ANGPT1: variants seen among roughly 807,000 people sequenced by gnomAD.
The protein encoded by ANGPT1 is angiopoietin 1.
In ANGPT1, 17 loss-of-function variants were observed where a neutral mutation model predicts 62.2. That is an observed-to-expected ratio of 0.27 (90% CI 0.19 to 0.41). ANGPT1 has a LOEUF of 0.41. ANGPT1 is among the 10% of genes least tolerant of loss of function. ANGPT1 has a pLI of 1.00. For missense variants in ANGPT1, 478 were observed against 594.9 expected (o/e 0.80, Z 2.04); for synonymous variants, 199 against 198.9 (o/e 1.00, Z 0.00).
At chr8:107,399,798 C>A (rs1391968477) in intron 1 of ANGPT1, among the ~76,000 whole-genome samples, 1 of 152,128 alleles carries the variant, frequency 6.6e-6, no homozygotes, top group Non-Finnish European at 1.5e-5. Context: ...CCCGCAAACA[C>A]CACAATTGCC....
intron 1 of ANGPT1, among the ~76,000 whole-genome samples, chr8:107,442,277 G>A (rs753464871): frequency 6.6e-6 from 1 of 152,170 alleles, no homozygotes; most frequent in Non-Finnish European, 1.5e-5. Context: ...CAATGTAAAT[G>A]ACAGAAGATG....
At position 107,285,684 on chromosome 8, in the gene ANGPT1, C is replaced by T. The variant is rs998568000; in HGVS notation, c.1039-836G>A. ...AAAAGTGGTCCCAAAAGAAAGCCAGCGCTTAATGTTGGAGATGTTAGTGAT... is the reference window on the plus strand; with the variant it reads ...AAAAGTGGTCCCAAAAGAAAGCCAGTGCTTAATGTTGGAGATGTTAGTGAT... On this transcript the variant is annotated intron_variant, in intron 6 of 8. Coordinates refer to ENST00000517746, the MANE Select transcript of ANGPT1 (RefSeq NM_001146.5). Among the ~76,000 whole-genome samples the T allele has an allele frequency of 5.9e-5, 9 of 151,830 alleles. No homozygotes were observed. The East Asian group carries it at 1.5e-3, about 26-fold the overall frequency.
At chr8:107,317,447 T>G (rs1246206889) in intron 4 of ANGPT1, among the ~76,000 whole-genome samples, 1 of 152,174 alleles carries the variant, frequency 6.6e-6, no homozygotes, top group Non-Finnish European at 1.5e-5. Flanking sequence ...TCAGACTATG[T>G]AAGTTTATAA....
intron 1 of ANGPT1, among the ~76,000 whole-genome samples, chr8:107,433,325 T>C (rs1297593385): frequency 6.6e-6 from 1 of 152,200 alleles, no homozygotes; most frequent in Non-Finnish European, 1.5e-5. Context: ...GAAGGAATAT[T>C]CTATTGCAAG....
intron 4 of ANGPT1, among the ~76,000 whole-genome samples, chr8:107,317,687 G>A (rs1815050706): frequency 2.0e-5 from 3 of 150,008 alleles, no homozygotes. Flanking sequence ...CTGGAGTGCA[G>A]TGGCGTGATC....
chr8:107,355,783 G>A (rs1816032608), intron 1 of ANGPT1, among the ~76,000 whole-genome samples: 1 of 151,824 alleles, frequency 6.6e-6, no homozygotes, highest in Non-Finnish European at 1.5e-5. Context: ...TCTATTTCTA[G>A]AGCACCTGTA....
intron 5 of ANGPT1, among the ~76,000 whole-genome samples, chr8:107,299,657 A>G (rs1208457484): frequency 7.3e-6 from 1 of 137,714 alleles, no homozygotes; most frequent in Non-Finnish European, 1.5e-5. Flanking sequence ...AAATATCTAT[A>G]TATAGACATA....
intron 1 of ANGPT1, among the ~76,000 whole-genome samples, chr8:107,378,457 C>T (rs1242972178): frequency 6.6e-6 from 1 of 152,168 alleles, no homozygotes; most frequent in Non-Finnish European, 1.5e-5. Flanking sequence ...TACCTAAATA[C>T]AGTTGTATAT....
At chr8:107,360,178 G>T (rs751929511) in intron 1 of ANGPT1, among the ~76,000 whole-genome samples, 2 of 152,122 alleles carry the variant, frequency 1.3e-5, no homozygotes, top group African/African-American at 4.8e-5. Flanking sequence ...CAAAACAGCC[G>T]CAAGTAGGTC....
chr8:107,480,789 G>A (rs972836059), intron 1 of ANGPT1, among the ~76,000 whole-genome samples: 1 of 152,116 alleles, frequency 6.6e-6, no homozygotes, highest in African/African-American at 2.4e-5. Context: ...AAACAAGTGG[G>A]ATTGAGATCC....
chr8:107,421,618 A>T (rs1014570737), intron 1 of ANGPT1, among the ~76,000 whole-genome samples: 59 of 152,212 alleles, frequency 3.9e-4, no homozygotes, highest in Non-Finnish European at 7.3e-5. Context: ...TAAGGTTAGC[A>T]TCTGTCAATA....
chr8:107,408,877 A>G (rs1462030407), intron 1 of ANGPT1, among the ~76,000 whole-genome samples: 1 of 152,206 alleles, frequency 6.6e-6, no homozygotes, highest in Non-Finnish European at 1.5e-5. Context: ...TTTTCCCACA[A>G]TCACAGTGTC....
At chr8:107,370,700 CAAAAAAAAAAAA>C (rs71308729) in intron 1 of ANGPT1, among the ~76,000 whole-genome samples, 17 of 75,574 alleles carry the variant, frequency 2.2e-4, no homozygotes, top group African/African-American at 8.4e-4. Context: ...AAGACTCTGT[CAAAAAAAAAAAA>C]AAAAAAAAAA....
At chr8:107,454,016 A>G (rs1167919508) in intron 1 of ANGPT1, among the ~76,000 whole-genome samples, 1 of 152,070 alleles carries the variant, frequency 6.6e-6, no homozygotes, top group Admixed American at 6.6e-5. Flanking sequence ...ATTTGTACTC[A>G]TTTAGCATAC....
chr8:107,377,390 T>A (rs1162812032), intron 1 of ANGPT1, among the ~76,000 whole-genome samples: 1 of 152,150 alleles, frequency 6.6e-6, no homozygotes, highest in Non-Finnish European at 1.5e-5. Flanking sequence ...ACACTCCAAG[T>A]CATAATCCTG....
At chr8:107,471,665 T>G (rs1437191162) in intron 1 of ANGPT1, among the ~76,000 whole-genome samples, 1 of 152,120 alleles carries the variant, frequency 6.6e-6, no homozygotes, top group Non-Finnish European at 1.5e-5. Context: ...TGGCGACGTT[T>G]GAATGTATTT....
intron 1 of ANGPT1, among the ~76,000 whole-genome samples, chr8:107,373,276 T>G (rs199819319): frequency 7.9e-5 from 12 of 152,208 alleles, no homozygotes; most frequent in African/African-American, 2.9e-4. Context: ...AATAGATTTT[T>G]TTTTTTTTGA....
intron 1 of ANGPT1, among the ~76,000 whole-genome samples, chr8:107,472,079 T>C (rs1342103914): frequency 6.6e-6 from 1 of 152,096 alleles, no homozygotes; most frequent in Admixed American, 6.6e-5. Context: ...GTAGAAATAA[T>C]GTCCCTAAAT....
intron 5 of ANGPT1, 22 bp from the exon 6 acceptor site, chr8:107,294,059 C>T (rs1164396831): frequency 6.3e-7 from 1 of 1,576,900 alleles, no homozygotes; most frequent in Admixed American, 1.7e-5. Context: ...AAAACAAAGT[C>T]AAGTAAAAAA....
Sources: gnomAD v4.1 joint callset for allele counts (sites outside exome capture counted in the v4.1 genomes callset) on GRCh38, gnomAD v4.1.1 for gene constraint, MANE v1.5 for transcripts, NCBI Gene and HGNC (gene_info 2026-07-23, HGNC 2026-07-21) for gene names.